ANXA2: variants seen among roughly 807,000 people sequenced by gnomAD.
ANXA2 encodes the protein annexin A2.
A neutral mutation model predicts 47.3 loss-of-function variants in ANXA2; 28 were observed. The observed-to-expected ratio is 0.59, with a 90% CI of 0.44 to 0.81. The LOEUF (loss-of-function observed/expected upper bound fraction) is 0.81. Ranked by LOEUF, ANXA2 falls within the 40% of genes least tolerant of loss-of-function variation. The pLI is 0.00. For missense variants in ANXA2, 384 were observed against 414.3 expected, an observed-to-expected ratio of 0.93 and a Z score of 0.64; for synonymous variants, 172 against 155.5, an observed-to-expected ratio of 1.11 and a Z score of -0.79.
intron 6 of ANXA2, 80 bp downstream of exon 6, chr15:60,357,066 C>A: frequency 7.5e-7 from 1 of 1,339,490 alleles, no homozygotes. Flanking sequence ...GCATCTTAGC[C>A]CGAACCCTAA....
intron 3 of ANXA2, among the ~76,000 whole-genome samples, chr15:60,364,906 G>A (rs1595677913): frequency 1.3e-5 from 2 of 150,610 alleles, no homozygotes; most frequent in African/African-American, 4.9e-5. Flanking sequence ...ATTTAACTCG[G>A]GATTTAATAG....
chr15:60,370,027 T>A (rs1462668793), intron 3 of ANXA2, among the ~76,000 whole-genome samples: 1 of 152,192 alleles, frequency 6.6e-6, no homozygotes, highest in Admixed American at 6.5e-5. Flanking sequence ...TAGAATTTAA[T>A]CCAATTATCG....
At chr15:60,382,011 G>A (rs1276423647) in intron 3 of ANXA2, among the ~76,000 whole-genome samples, 2 of 137,110 alleles carry the variant, frequency 1.5e-5, no homozygotes, top group Non-Finnish European at 3.1e-5. Context: ...GGGGGTGGGG[G>A]AGGAAAGAAT....
At chr15:60,375,582 C>G (rs1226075323) in intron 3 of ANXA2, among the ~76,000 whole-genome samples, 1 of 152,170 alleles carries the variant, frequency 6.6e-6, no homozygotes, top group Non-Finnish European at 1.5e-5. Context: ...TCTCAGCAAC[C>G]TCTTGTTAAT....
chr15:60,362,133 G>A (rs1237650988), intron 4 of ANXA2, among the ~76,000 whole-genome samples: 6 of 152,044 alleles, frequency 3.9e-5, no homozygotes, highest in Non-Finnish European at 8.8e-5. Flanking sequence ...GCTTCCCAAT[G>A]TCCCGGGAAC....
At chr15:60,395,147 C>A (rs377100413) in intron 1 of ANXA2, among the ~76,000 whole-genome samples, 100 of 152,124 alleles carry the variant, frequency 6.6e-4, no homozygotes, top group African/African-American at 2.2e-3. Flanking sequence ...GAAATGAACT[C>A]CCACCAAGTT....
intron 3 of ANXA2, among the ~76,000 whole-genome samples, chr15:60,379,007 G>A (rs185660775): frequency 4.0e-5 from 6 of 151,572 alleles, no homozygotes; most frequent in African/African-American, 7.3e-5. Context: ...TAGGCCAGGC[G>A]CGGTGGCTCA....
At position 60,350,886 on chromosome 15, in the gene ANXA2, C is replaced by T. The variant is rs183517611; in HGVS notation, c.837+307G>A. Among the ~76,000 whole-genome samples, 31 of 152,314 alleles carry T rather than the reference C, an allele frequency of 2.0e-4. No homozygotes were observed. In the East Asian group the frequency reaches 5.4e-3, roughly 27 times the overall value. On this transcript the variant is annotated intron_variant, in intron 11 of 12. Coordinates refer to ENST00000451270, the MANE Select transcript of ANXA2 (RefSeq NM_004039.3). ...CCTTCCTCGCTTGTCTTGACTCTGGCAGTAACAGGAAGAAATCACGGAGAA... is the reference window on the plus strand; with the variant it reads ...CCTTCCTCGCTTGTCTTGACTCTGGTAGTAACAGGAAGAAATCACGGAGAA...
chr15:60,384,263 T>C (rs2062903467), intron 2 of ANXA2: 1 of 152,250 alleles, frequency 6.6e-6, no homozygotes, highest in Non-Finnish European at 1.5e-5. Context: ...AGTCCAGGCA[T>C]TGAGCCATAT....
chr15:60,387,553 C>T (rs1404561909), intron 1 of ANXA2, among the ~76,000 whole-genome samples: 1 of 152,142 alleles, frequency 6.6e-6, no homozygotes, highest in East Asian at 1.9e-4. Flanking sequence ...AAAGGTAATA[C>T]AGTGTATAGT....
At chr15:60,392,791 T>A (rs953300757) in intron 1 of ANXA2, among the ~76,000 whole-genome samples, 1 of 152,198 alleles carries the variant, frequency 6.6e-6, no homozygotes, top group East Asian at 1.9e-4. Flanking sequence ...TTAGCAACCA[T>A]GGTGAATCAA....
intron 3 of ANXA2, among the ~76,000 whole-genome samples, chr15:60,380,308 C>T (rs914750341): frequency 5.3e-5 from 8 of 152,006 alleles, no homozygotes; most frequent in Non-Finnish European, 8.8e-5. Context: ...AGCAAAGTTC[C>T]GTGTTTTCCC....
intron 3 of ANXA2, among the ~76,000 whole-genome samples, chr15:60,365,973 C>T (rs1390267498): frequency 7.0e-6 from 1 of 142,114 alleles, no homozygotes; most frequent in East Asian, 2.1e-4. Flanking sequence ...CTCAGCCTGC[C>T]GAGTGCCTGC....
At chr15:60,358,848 T>C (rs1283165188) in intron 5 of ANXA2, among the ~76,000 whole-genome samples, 5 of 152,254 alleles carry the variant, frequency 3.3e-5, no homozygotes, top group Admixed American at 6.5e-5. Flanking sequence ...CATTGTAGAA[T>C]TGCAAGACAG....
chr15:60,389,078 A>G (rs1411951261), intron 1 of ANXA2, among the ~76,000 whole-genome samples: 1 of 152,164 alleles, frequency 6.6e-6, no homozygotes, highest in Non-Finnish European at 1.5e-5. Flanking sequence ...TAGGATGGAC[A>G]TCAAACCACC....
At chr15:60,362,714 T>A (rs2062533883) in intron 4 of ANXA2, 1 of 152,140 alleles carries the variant, frequency 6.6e-6, no homozygotes, top group Non-Finnish European at 1.5e-5. Context: ...GATACATAAT[T>A]CTCCTTGGCC....
intron 2 of ANXA2, 196 bp from the exon 3 acceptor site, chr15:60,382,637 G>T: frequency 2.3e-6 from 1 of 443,376 alleles, no homozygotes; most frequent in South Asian, 2.9e-5. Flanking sequence ...ATTCTTCAAA[G>T]GCTCAGCTAG....
At chr15:60,373,924 G>A (rs1414327013) in intron 3 of ANXA2, among the ~76,000 whole-genome samples, 2 of 152,208 alleles carry the variant, frequency 1.3e-5, no homozygotes, top group Non-Finnish European at 2.9e-5. Flanking sequence ...ACATGGATGA[G>A]TAGTCCAGTT....
At chr15:60,354,617 C>T (rs548994329) in intron 7 of ANXA2, among the ~76,000 whole-genome samples, 1 of 19,068 alleles carries the variant, frequency 5.2e-5, no homozygotes, top group East Asian at 1.5e-3. Flanking sequence ...GAGACTCTGT[C>T]TCAAAAAAAA....
Sources: allele counts gnomAD v4.1 joint callset (sites outside exome capture counted in the v4.1 genomes callset), GRCh38; gene constraint gnomAD v4.1.1; transcripts MANE v1.5; gene names NCBI Gene and HGNC (gene_info 2026-07-23, HGNC 2026-07-21).